The following TMEM131L variants were observed in gnomAD, a reference collection of about 807,000 sequenced individuals.
TMEM131L encodes transmembrane 131 like, also known as transmembrane protein 131-like.
A neutral mutation model predicts 192.2 loss-of-function variants in TMEM131L; 54 were observed. The observed-to-expected ratio is 0.28, with a 90% CI of 0.23 to 0.35. The LOEUF is 0.35. Ranked by LOEUF, TMEM131L falls within the 10% of genes least tolerant of loss-of-function variation. TMEM131L has a pLI of 1.00. For missense variants in TMEM131L, 1,888 were observed against 1,972.9 expected (o/e 0.96, Z 0.82); for synonymous variants, 701 against 704.9 (o/e 0.99, Z 0.09).
At chr4:153,630,345 C>G (rs912698625) in intron 31 of TMEM131L, among the ~76,000 whole-genome samples, 1 of 152,166 alleles carries the variant, frequency 6.6e-6, no homozygotes, top group African/African-American at 2.4e-5. Flanking sequence ...TCAGCCATGC[C>G]CTAGAGTCTC....
At chr4:153,536,439 G>C (rs945886596) in intron 3 of TMEM131L, among the ~76,000 whole-genome samples, 2 of 152,204 alleles carry the variant, frequency 1.3e-5, no homozygotes, top group South Asian at 4.1e-4. Flanking sequence ...TGAAAGGGAG[G>C]CTCCTGCTTC....
rs140651689 is a variant in TMEM131L at position 153,487,693 on chromosome 4, C to CGTGTGTGTGT, written c.239+13823_239+13832dup. ...CCAGGCCCCTGTGGAGCTGCACAGG[C>CGTGTGTGTGT]GTGTGTGTGTGTGTGTGTGTGTGTG... is the stretch of plus-strand genomic sequence containing the variant. On this transcript the variant is annotated intron_variant, in intron 3 of 34. Coordinates refer to ENST00000409959, the MANE Select transcript of TMEM131L (RefSeq NM_001131007.2). 5.9e-3 allele frequency among the ~76,000 whole-genome samples: 839 copies of CGTGTGTGTGT among 142,064 alleles called. 15 individuals are homozygous for CGTGTGTGTGT. Among genetic ancestry groups the CGTGTGTGTGT allele is most frequent in the African/African-American group, 0.02 (741 of 37,218 alleles). 93.2% of individuals were successfully genotyped at this position (142,064 alleles called of 152,430 possible). A position where few individuals can be genotyped will look rare whatever the true frequency, so the allele number is the denominator to read the frequency against.
rs900001232 is a variant in TMEM131L, at chr4:153,583,318, G to GT, written c.951+75dup. ...GTGCATTTAATTGTAGAATATGAGG[G>GT]TTTTTCAGGAACAGAGACAGAAGCA... On this transcript the variant is annotated intron_variant, in intron 10 of 34. Coordinates refer to ENST00000409959, the MANE Select transcript of TMEM131L (RefSeq NM_001131007.2). 5.7e-6 allele frequency: 5 copies of GT among 881,822 alleles called. No homozygotes were observed. In the African/African-American group the frequency reaches 6.7e-5, roughly 12 times the overall value. The allele number at this position is 881,822 out of a possible 1,614,324, so 54.6% of individuals were successfully genotyped here.
intron 3 of TMEM131L, among the ~76,000 whole-genome samples, chr4:153,536,988 G>C (rs906077962): frequency 9.9e-5 from 15 of 152,108 alleles, no homozygotes; most frequent in African/African-American, 3.6e-4. Flanking sequence ...TTATATCCTG[G>C]CTGCGCTGGC....
At chr4:153,473,443 G>T (rs1335581520) in intron 2 of TMEM131L, among the ~76,000 whole-genome samples, 1 of 152,200 alleles carries the variant, frequency 6.6e-6, no homozygotes, top group Non-Finnish European at 1.5e-5. Context: ...CCGTGAGTGG[G>T]TAGGTCTTTC....
chr4:153,491,414 G>A (rs1732770692), intron 3 of TMEM131L, among the ~76,000 whole-genome samples: 1 of 151,928 alleles, frequency 6.6e-6, no homozygotes. Context: ...AATTAGAGGT[G>A]TCAGTCATAT....
chr4:153,595,129 G>A (rs532891311), intron 19 of TMEM131L, among the ~76,000 whole-genome samples: 7 of 152,294 alleles, frequency 4.6e-5, no homozygotes, highest in African/African-American at 1.7e-4. Context: ...GAAAAGAATA[G>A]TTAATATCAG....
At chr4:153,617,054 G>A (rs998579170) in intron 26 of TMEM131L, among the ~76,000 whole-genome samples, 4 of 152,174 alleles carry the variant, frequency 2.6e-5, no homozygotes, top group Non-Finnish European at 4.4e-5. Context: ...ATCTTGAATT[G>A]TAACTTCTAC....
chr4:153,632,751 C>T lies in TMEM131L; in HGVS notation c.4241C>T (p.Pro1414Leu), dbSNP rs369534013. 3.2e-5 allele frequency: 52 copies of T among 1,613,954 alleles called. No individual in the cohort carries two copies. Among genetic ancestry groups the T allele is most frequent in the South Asian group, 2.6e-4 (24 of 91,080 alleles). The change falls in exon 32 of 35, where the codon CCG (proline) becomes CTG (leucine). Residue 1414 changes from proline (P) to leucine (L), a missense_variant. Physicochemically the swap from Pro to Leu is moderately conservative, Grantham distance 98 (BLOSUM62 -3). Transcript: ENST00000409959. ...TCACCTGGAGACCTGTGGCCCACTCCGCCAGTGTGTGTGACAAGCAGCTTA... is the reference window on the plus strand; with the variant it reads ...TCACCTGGAGACCTGTGGCCCACTCTGCCAGTGTGTGTGACAAGCAGCTTA... ...LYSPGDLWPT[P>L]PVCVTSSLNC...
At chr4:153,570,739 A>G (rs1729532133) in intron 7 of TMEM131L, among the ~76,000 whole-genome samples, 2 of 152,138 alleles carry the variant, frequency 1.3e-5, no homozygotes, top group South Asian at 2.1e-4. Flanking sequence ...GGTGGTTTCC[A>G]TTGCCTCTCA....
intron 3 of TMEM131L, among the ~76,000 whole-genome samples, chr4:153,488,204 AAG>A (rs1156498300): frequency 2.0e-5 from 3 of 151,958 alleles, no homozygotes; most frequent in Non-Finnish European, 4.4e-5. Flanking sequence ...AGTTGTGTGT[AAG>A]AGAGAATGAG....
chr4:153,605,705 G>A (rs1214259667), intron 25 of TMEM131L, among the ~76,000 whole-genome samples: 1 of 152,172 alleles, frequency 6.6e-6, no homozygotes, highest in Non-Finnish European at 1.5e-5. Context: ...GTCACCTTTT[G>A]TCTTATTTGA....
At chr4:153,630,329 T>G (rs1734126114) in intron 31 of TMEM131L, among the ~76,000 whole-genome samples, 1 of 152,224 alleles carries the variant, frequency 6.6e-6, no homozygotes, top group Admixed American at 6.5e-5. Context: ...CTTTGCAGTA[T>G]TGACCTCAGC....
chr4:153,570,139 A>C (rs1472732361), intron 7 of TMEM131L, among the ~76,000 whole-genome samples: 1 of 152,172 alleles, frequency 6.6e-6, no homozygotes, highest in Admixed American at 6.5e-5. Flanking sequence ...TTCAGAATTT[A>C]TAGTGGTTCA....
chr4:153,491,510 T>C (rs1732778361), intron 3 of TMEM131L, among the ~76,000 whole-genome samples: 1 of 152,206 alleles, frequency 6.6e-6, no homozygotes, highest in African/African-American at 2.4e-5. Context: ...ATTCATATGG[T>C]AAGACTTAAC....
intron 24 of TMEM131L, 166 bp downstream of exon 24, chr4:153,603,618 C>A: frequency 1.0e-6 from 1 of 984,414 alleles, no homozygotes; most frequent in Non-Finnish European, 1.5e-6. Flanking sequence ...ATGAGATAGT[C>A]TCCATGCAAG....
At chr4:153,525,664 C>T (rs1369109064) in intron 3 of TMEM131L, among the ~76,000 whole-genome samples, 3 of 151,722 alleles carry the variant, frequency 2.0e-5, no homozygotes, top group Admixed American at 6.6e-5. Context: ...TTCTTAATTT[C>T]TTTTTATTAC....
At chr4:153,500,323 C>T (rs1034133931) in intron 3 of TMEM131L, among the ~76,000 whole-genome samples, 5 of 152,192 alleles carry the variant, frequency 3.3e-5, no homozygotes, top group Non-Finnish European at 4.4e-5. Context: ...CCAGGCTGAT[C>T]TTGAACTCCT....
intron 7 of TMEM131L, among the ~76,000 whole-genome samples, chr4:153,563,694 T>C (rs1012120271): frequency 1.3e-5 from 2 of 151,942 alleles, no homozygotes; most frequent in African/African-American, 4.8e-5. Flanking sequence ...TCTCAAACTC[T>C]TGGACTCATT....
Sources: gnomAD v4.1 joint callset for allele counts (sites outside exome capture counted in the v4.1 genomes callset) on GRCh38, gnomAD v4.1.1 for gene constraint, MANE v1.5 for transcripts, NCBI Gene and HGNC (gene_info 2026-07-23, HGNC 2026-07-21) for gene names.